Variants in AHCYL1 observed in about 807,000 individuals in gnomAD.
AHCYL1 encodes adenosylhomocysteinase like 1.
Under a neutral mutation model 79.3 loss-of-function variants are expected in AHCYL1, and 20 were observed. The ratio of observed to expected loss-of-function variants is 0.25; its 90% CI spans 0.18 to 0.37. The LOEUF is 0.37. Among genes scored for constraint, AHCYL1 ranks in the 10% least tolerant of loss-of-function variants. The pLI is 1.00. For synonymous variants in AHCYL1, 223 were observed against 242.2 expected, an observed-to-expected ratio of 0.92 and a Z score of 0.74; for missense variants, 330 against 673.6, an observed-to-expected ratio of 0.49 and a Z score of 5.65.
intron 1 of AHCYL1, among the ~76,000 whole-genome samples, chr1:110,008,009 GTTTTTTTTTTGGGT>G (rs1650769014): frequency 1.5e-5 from 2 of 131,968 alleles, no homozygotes; most frequent in East Asian, 4.6e-4. Context: ...ATTTAAGGAA[GTTTTTTTTTTGGGT>G]TTTTTTTTTT....
At chr1:109,990,931 G>A (rs1007051447) in intron 1 of AHCYL1, among the ~76,000 whole-genome samples, 4 of 151,974 alleles carry the variant, frequency 2.6e-5, no homozygotes, top group Admixed American at 1.3e-4. Flanking sequence ...CAGCACCCCC[G>A]CCCCCATCCC....
intron 2 of AHCYL1, 37 bp downstream of exon 2, chr1:110,009,182 T>G: frequency 1.3e-6 from 2 of 1,552,776 alleles, no homozygotes; most frequent in Non-Finnish European, 1.8e-6. Flanking sequence ...CTCTAATCTC[T>G]CTTCCCTGTT....
intron 3 of AHCYL1, 128 bp downstream of exon 3, chr1:110,011,485 T>G: frequency 1.6e-6 from 2 of 1,265,862 alleles, no homozygotes; most frequent in Non-Finnish European, 2.2e-6. Context: ...TTATGGACTT[T>G]CGGATAAACA....
At position 110,016,347 on chromosome 1, in the gene AHCYL1, G is replaced by GT; in HGVS notation, c.787dup (p.Tyr263LeufsTer18). 1 of 1,611,876 alleles carries GT rather than the reference G, an allele frequency of 6.2e-7. No individual in the cohort carries two copies. The highest frequency in any genetic ancestry group is 8.5e-7 in the Non-Finnish European group (1 of 1,178,902). On this transcript the variant is annotated frameshift_variant, in exon 8 of 17. Transcript: ENST00000369799. LOFTEE classifies it high-confidence loss of function. ...TTGTGACCTCTTCTCTCTTTAGGCTGTATCAGCTCTCCAAAGCTGGGAAGC... is the reference window on the plus strand; with the variant it reads ...TTGTGACCTCTTCTCTCTTTAGGCTGTTATCAGCTCTCCAAAGCTGGGAAGC...
rs1442290487 is a variant in AHCYL1, at chr1:109,984,981, G to C, written c.-72G>C. ...TCGCGTGTCGGAGGGCGCCGCGCGG[G>C]CAGGCGGGCGGGCGCCAGAGGGGGA... is the stretch of plus-strand genomic sequence containing the variant. On this transcript the variant is annotated 5_prime_UTR_variant, in exon 1 of 17. Transcript: ENST00000369799. The C allele has an allele frequency of 7.3e-7, 1 of 1,376,726 alleles. No homozygotes were observed. Among genetic ancestry groups the C allele is most frequent in the East Asian group, 3.0e-5 (1 of 32,856 alleles). 85.3% of individuals were successfully genotyped at this position (1,376,726 alleles called of 1,614,324 possible).
intron 7 of AHCYL1, 117 bp downstream of exon 7, chr1:110,015,648 G>C: frequency 1.5e-6 from 1 of 655,846 alleles, no homozygotes; most frequent in Non-Finnish European, 2.3e-6. Flanking sequence ...ATCTTCATTA[G>C]ATAAAATTTT....
At chr1:109,998,316 A>ATAATTAAAAATTC (rs1553187377) in intron 1 of AHCYL1, among the ~76,000 whole-genome samples, 2 of 152,162 alleles carry the variant, frequency 1.3e-5, no homozygotes, top group Non-Finnish European at 2.9e-5. Context: ...CTTAAAAATT[A>ATAATTAAAAATTC]TAATTAAAAA....
intron 1 of AHCYL1, among the ~76,000 whole-genome samples, chr1:109,991,482 T>A (rs1649756591): frequency 6.6e-6 from 1 of 152,202 alleles, no homozygotes; most frequent in African/African-American, 2.4e-5. Flanking sequence ...TACTCAGTTG[T>A]GTGATGGAAA....
At chr1:110,005,482 C>A (rs898898351) in intron 1 of AHCYL1, among the ~76,000 whole-genome samples, 8 of 152,124 alleles carry the variant, frequency 5.3e-5, no homozygotes, top group Non-Finnish European at 1.2e-4. Context: ...TTTAAGGGAC[C>A]GTGTTTCCTT....
At chr1:110,020,873 GA>G (rs1651750572) in intron 16 of AHCYL1, 22 bp downstream of exon 16, 2 of 1,605,386 alleles carry the variant, frequency 1.2e-6, no homozygotes, top group South Asian at 2.2e-5. Flanking sequence ...AGAAGCAAGT[GA>G]AAAGCTCTTT....
intron 1 of AHCYL1, among the ~76,000 whole-genome samples, chr1:110,005,733 A>G (rs1650606130): frequency 6.6e-6 from 1 of 151,960 alleles, no homozygotes; most frequent in South Asian, 2.1e-4. Flanking sequence ...ATGTGTGTTT[A>G]TGAAAGTAAA....
Position 110,009,139 on chromosome 1 carries a change from A to G in AHCYL1, c.226A>G (p.Ser76Gly). Reference sequence around the variant, plus strand: ...CTCACAGTCCTCCACTGACAGCTACAGTTCAGGTAGGTGTGAATGAACTCC... The same window carrying G: ...CTCACAGTCCTCCACTGACAGCTACGGTTCAGGTAGGTGTGAATGAACTCC... Reference protein sequence around the residue: ...SISQSSTDSYSSAASYTDSSD... With the variant: ...SISQSSTDSYGSAASYTDSSD... The change falls in exon 2 of 17, where the codon AGT becomes GGT. Residue 76 changes from serine to glycine, a missense_variant. Coordinates refer to ENST00000369799, the MANE Select transcript of AHCYL1 (RefSeq NM_006621.7). 6.2e-7 allele frequency: 1 copy of G among 1,612,326 alleles called. No individual in the cohort carries two copies. Among genetic ancestry groups the G allele is most frequent in the South Asian group, 1.1e-5 (1 of 91,042 alleles).
intron 13 of AHCYL1, 199 bp from the exon 14 acceptor site, chr1:110,018,852 C>G (rs895982523): frequency 1.2e-5 from 9 of 725,530 alleles, no homozygotes; most frequent in Non-Finnish European, 2.1e-5. Context: ...TTCCTAACCA[C>G]AGCTGATTCT....
At chr1:110,007,555 AG>A (rs1650734096) in intron 1 of AHCYL1, among the ~76,000 whole-genome samples, 1 of 152,172 alleles carries the variant, frequency 6.6e-6, no homozygotes, top group Admixed American at 6.5e-5. Context: ...CCCTAGCTGA[AG>A]GGTACATGTG....
intron 1 of AHCYL1, among the ~76,000 whole-genome samples, chr1:109,991,564 GCTTA>G (rs1226544843): frequency 6.6e-6 from 1 of 152,146 alleles, no homozygotes; most frequent in Non-Finnish European, 1.5e-5. Flanking sequence ...CCTGCCTCAG[GCTTA>G]CTTCTTCACA....
At chr1:110,018,276 G>T in intron 11 of AHCYL1, 97 bp from the exon 12 acceptor site, 5 of 1,162,964 alleles carry the variant, frequency 4.3e-6, no homozygotes, top group Non-Finnish European at 6.3e-6. Context: ...GTTCTTTAAT[G>T]CCAGCAAGCC....
intron 1 of AHCYL1, 63 bp from the exon 2 acceptor site, chr1:110,008,968 TAAA>T: frequency 2.8e-6 from 3 of 1,084,496 alleles, no homozygotes; most frequent in African/African-American, 3.3e-5. Flanking sequence ...AATGTATCCT[TAAA>T]AAAAAAAACA....
Position 110,011,232 on chromosome 1 carries a change from G to T in AHCYL1, c.251G>T (p.Ser84Ile). ...GCTCTAGCTGCATCCTACACAGATA[G>T]CTCTGATGATGAGGTTTCTCCCCGA... is the stretch of plus-strand genomic sequence containing the variant. ...SYSSAASYTD[S>I]SDDEVSPREK... The change falls in exon 3 of 17, where the codon AGC becomes ATC. Residue 84 changes from serine to isoleucine, a missense_variant. By Grantham distance (142) the Ser-to-Ile change is moderately radical. Transcript: ENST00000369799. The T allele has an allele frequency of 6.2e-7, 1 of 1,614,056 alleles. No homozygotes were observed. Among genetic ancestry groups the T allele is most frequent in the Non-Finnish European group, 8.5e-7 (1 of 1,179,988 alleles).
chr1:110,017,386 A>G (rs530259539), intron 9 of AHCYL1, 109 bp from the exon 10 acceptor site: 2 of 965,986 alleles, frequency 2.1e-6, no homozygotes, highest in Admixed American at 2.0e-5. Context: ...TGCTCACCAG[A>G]TGACAGGCTA....
Sources: allele counts gnomAD v4.1 joint callset (sites outside exome capture counted in the v4.1 genomes callset), GRCh38; gene constraint gnomAD v4.1.1; transcripts MANE v1.5; gene names NCBI Gene and HGNC (gene_info 2026-07-23, HGNC 2026-07-21).